Variants in RAB3IP observed in about 807,000 individuals in gnomAD.
The protein encoded by RAB3IP is rab-3A-interacting protein.
In RAB3IP, 36 loss-of-function variants were observed where a neutral mutation model predicts 59.1. The ratio of observed to expected loss-of-function variants is 0.61; its 90% confidence interval spans 0.47 to 0.80. The LOEUF is 0.80. Among genes scored for constraint, RAB3IP ranks in the 30% least tolerant of loss-of-function variants. The probability of loss-of-function intolerance (pLI) is 0.00; values close to 1 mark genes in which losing one functional copy is unlikely to be tolerated. For synonymous variants in RAB3IP, 207 were observed against 191.2 expected, an observed-to-expected ratio of 1.08 and a Z score of -0.68; for missense variants, 511 against 536.0, an observed-to-expected ratio of 0.95 and a Z score of 0.46.
chr12:69,744,186 C>G (rs1285066381), intron 1 of RAB3IP, among the ~76,000 whole-genome samples: 6 of 151,940 alleles, frequency 3.9e-5, no homozygotes, highest in Non-Finnish European at 8.8e-5. Context: ...CTCCCTGTGT[C>G]CGTGTGTTCT....
intron 1 of RAB3IP, among the ~76,000 whole-genome samples, chr12:69,740,823 G>T (rs1887258394): frequency 6.6e-6 from 1 of 151,944 alleles, no homozygotes; most frequent in African/African-American, 2.4e-5. Flanking sequence ...AATATGGCAC[G>T]AAAAAATACT....
chr12:69,753,235 T>C (rs900782889), intron 1 of RAB3IP, among the ~76,000 whole-genome samples: 3 of 152,244 alleles, frequency 2.0e-5, no homozygotes, highest in Non-Finnish European at 4.4e-5. Context: ...TTTTTGTTTT[T>C]ATTCTCTACT....
At chr12:69,781,962 G>T (rs528523848) in intron 3 of RAB3IP, among the ~76,000 whole-genome samples, 1 of 152,326 alleles carries the variant, frequency 6.6e-6, no homozygotes, top group East Asian at 1.9e-4. Flanking sequence ...ATCTTCCAAA[G>T]TAGCTTTCCC....
At chr12:69,799,341 T>TA (rs769976949) in intron 6 of RAB3IP, among the ~76,000 whole-genome samples, 43 of 152,312 alleles carry the variant, frequency 2.8e-4, no homozygotes, top group Non-Finnish European at 5.7e-4. Flanking sequence ...GAGACTGCTC[T>TA]AGTTTGGGTG....
At chr12:69,782,819 T>G (rs921462386) in intron 3 of RAB3IP, among the ~76,000 whole-genome samples, 5 of 152,142 alleles carry the variant, frequency 3.3e-5, no homozygotes, top group Admixed American at 6.5e-5. Context: ...GTTTTGTTTT[T>G]TTTTGTTTTT....
rs1881905661 is a variant in RAB3IP, at chr12:69,822,850, A to G, written c.*7404A>G. On this transcript the variant is annotated 3_prime_UTR_variant, in exon 11 of 11. Coordinates refer to ENST00000247833, the MANE Select transcript of RAB3IP (RefSeq NM_022456.5). ...AACTACCACCATCTTTCTTCAGCCT[A>G]TTTTCCTATCTCCTCTCGCACCATA... 2 of 152,226 alleles carry G rather than the reference A, an allele frequency of 1.3e-5. No homozygotes were observed. Among genetic ancestry groups the G allele is most frequent in the Admixed American group, 1.3e-4 (2 of 15,280 alleles). 9.4% of individuals were successfully genotyped at this position (152,226 alleles called of 1,614,324 possible). A position where few individuals can be genotyped will look rare whatever the true frequency, so the allele number is the denominator to read the frequency against.
chr12:69,793,288 A>C (rs1876922246), intron 4 of RAB3IP, among the ~76,000 whole-genome samples: 1 of 152,188 alleles, frequency 6.6e-6, no homozygotes, highest in African/African-American at 2.4e-5. Flanking sequence ...ATTCACATTC[A>C]TGGGCACACA....
chr12:69,788,786 A>G (rs2136215791), intron 4 of RAB3IP, among the ~76,000 whole-genome samples: 1 of 152,212 alleles, frequency 6.6e-6, no homozygotes, highest in Non-Finnish European at 1.5e-5. Flanking sequence ...AACATTCTCC[A>G]GTATAGTTCA....
chr12:69,762,756 C>CAAAAAAAAAAAAAAAAAAA (rs11445702), intron 3 of RAB3IP, among the ~76,000 whole-genome samples: 6 of 76,756 alleles, frequency 7.8e-5, no homozygotes, highest in Admixed American at 2.0e-4. Flanking sequence ...GACTCCGTCT[C>CAAAAAAAAAAAAAAAAAAA]AAAAAAAAAA....
intron 10 of RAB3IP, among the ~76,000 whole-genome samples, chr12:69,814,478 G>A (rs1027562152): frequency 2.6e-5 from 4 of 151,992 alleles, no homozygotes; most frequent in Non-Finnish European, 4.4e-5. Flanking sequence ...AGAATTTCTC[G>A]ACCTTGGTAC....
At chr12:69,773,418 T>TTTTTTA in intron 3 of RAB3IP, among the ~76,000 whole-genome samples, 1 of 139,218 alleles carries the variant, frequency 7.2e-6, no homozygotes, top group Non-Finnish European at 1.6e-5. Context: ...TTTTTTTTTT[T>TTTTTTA]TTTTTATTAT....
intron 1 of RAB3IP, among the ~76,000 whole-genome samples, chr12:69,748,045 GA>G (rs540599921): frequency 6.8e-6 from 1 of 146,890 alleles, no homozygotes; most frequent in African/African-American, 2.5e-5. Flanking sequence ...AAATTGATAT[GA>G]AAAAAGATAA....
chr12:69,768,342 A>G (rs940049873), intron 3 of RAB3IP, among the ~76,000 whole-genome samples: 1 of 152,140 alleles, frequency 6.6e-6, no homozygotes, highest in African/African-American at 2.4e-5. Context: ...CTGCCTGGAT[A>G]TGGAGTGGAG....
intron 8 of RAB3IP, among the ~76,000 whole-genome samples, chr12:69,806,789 G>A (rs1478451882): frequency 6.6e-6 from 1 of 151,944 alleles, no homozygotes; most frequent in Admixed American, 6.6e-5. Flanking sequence ...CTCTTAATGA[G>A]CATGCAGCCT....
At chr12:69,798,280 G>A (rs374330860) in intron 6 of RAB3IP, among the ~76,000 whole-genome samples, 121 of 152,174 alleles carry the variant, frequency 8.0e-4, no homozygotes, top group African/African-American at 2.4e-3. Flanking sequence ...GCCAGTGATG[G>A]TGAGCATTTT....
At chr12:69,739,919 A>C (rs1239079426) in intron 1 of RAB3IP, 5 of 1,587,584 alleles carry the variant, frequency 3.1e-6, no homozygotes, top group Non-Finnish European at 4.3e-6. Context: ...CTGATTACTG[A>C]GAGGCAATTT....
intron 1 of RAB3IP, among the ~76,000 whole-genome samples, chr12:69,752,218 A>G (rs542606579): frequency 6.6e-6 from 1 of 151,490 alleles, no homozygotes; most frequent in Non-Finnish European, 1.5e-5. Flanking sequence ...TGCCCAGGCT[A>G]GTCTTTTAAC....
In RAB3IP at chr12:69,820,723, T is replaced by C. The variant is rs1226403165; in HGVS notation, c.*5277T>C. 6.6e-6 allele frequency: 1 copy of C among 152,044 alleles called. No homozygotes were observed. The highest frequency in any genetic ancestry group is 1.5e-5 in the Non-Finnish European group (1 of 68,082). The allele number at this position is 152,044 out of a possible 1,614,324, so 9.4% of individuals were successfully genotyped here. ...AAAACACAAAATTAGTCAGGTGTGA[T>C]GGCGCATGCCTGTAATCCCAGCTAC... On this transcript the variant is annotated 3_prime_UTR_variant, in exon 11 of 11. Transcript: ENST00000247833.
Position 69,821,633 on chromosome 12 carries a change from G to GT in RAB3IP, c.*6192dup, listed in dbSNP as rs1413565476. 3 of 152,138 alleles carry GT rather than the reference G, an allele frequency of 2.0e-5. No individual in the cohort carries two copies. Among genetic ancestry groups the GT allele is most frequent in the Non-Finnish European group, 4.4e-5 (3 of 68,016 alleles). 9.4% of individuals were successfully genotyped at this position (152,138 alleles called of 1,614,324 possible). On this transcript the variant is annotated 3_prime_UTR_variant, in exon 11 of 11. Coordinates refer to ENST00000247833, the MANE Select transcript of RAB3IP (RefSeq NM_022456.5). ...GTTTATTTTTCTGTTTGTCCATCTT[G>GT]TTTTTGAACAATTGCCAGCATTTAA... is the stretch of plus-strand genomic sequence containing the variant.
Sources: gnomAD v4.1 joint callset for allele counts (sites outside exome capture counted in the v4.1 genomes callset) on GRCh38, gnomAD v4.1.1 for gene constraint, MANE v1.5 for transcripts, NCBI Gene and HGNC (gene_info 2026-07-23, HGNC 2026-07-21) for gene names.